Variants in ZNF615 observed in about 807,000 individuals in gnomAD.
ZNF615 encodes the protein zinc finger protein 615.
Under a neutral mutation model 15.3 loss-of-function variants are expected in ZNF615, and 15 were observed. The observed-to-expected ratio is 0.98, with a 90% CI of 0.66 to 1.51. The LOEUF (loss-of-function observed/expected upper bound fraction) is 1.51. ZNF615 is among the 40% of genes most tolerant of loss of function. The probability of loss-of-function intolerance (pLI) is 0.00; values close to 1 mark genes in which losing one functional copy is unlikely to be tolerated. For synonymous variants in ZNF615, 268 were observed against 294.6 expected (o/e 0.91, Z 0.92); for missense variants, 848 against 895.9 (o/e 0.95, Z 0.68).
chr19:51,995,564 C>CA (rs1295310175), intron 6 of ZNF615, among the ~76,000 whole-genome samples: 10 of 135,544 alleles, frequency 7.4e-5, no homozygotes, highest in Admixed American at 7.4e-4. Flanking sequence ...AAACACCTTC[C>CA]TTTTTTTTTT....
rs769560133 is a variant in ZNF615 at position 52,003,696 on chromosome 19, C to T, written c.15+1G>A. 2 of 1,612,580 alleles carry T rather than the reference C, an allele frequency of 1.2e-6. No homozygotes were observed. Among genetic ancestry groups the T allele is most frequent in the Non-Finnish European group, 1.7e-6 (2 of 1,179,258 alleles). ...AAAGAATAAAACAAACCAAAAGTCACCTGGGCCTGCATCATTGTCTCCTAA... is the reference window on the plus strand; with the variant it reads ...AAAGAATAAAACAAACCAAAAGTCATCTGGGCCTGCATCATTGTCTCCTAA... On this transcript the variant is annotated splice_donor_variant, in intron 3 of 6. Transcript: ENST00000598071. LOFTEE classifies it high-confidence loss of function.
At chr19:51,994,949 TTTTA>T (rs2086375565) in intron 6 of ZNF615, 112 bp from the exon 7 acceptor site, 4 of 998,450 alleles carry the variant, frequency 4.0e-6, no homozygotes, top group South Asian at 2.7e-5. Flanking sequence ...GAAAACCCTA[TTTTA>T]TTTATTTATT....
At chr19:52,007,407 A>G in intron 1 of ZNF615, 77 bp from the exon 2 acceptor site, 1 of 884,022 alleles carries the variant, frequency 1.1e-6, no homozygotes, top group South Asian at 1.5e-5. Flanking sequence ...AATATAAAAC[A>G]TACTACTTTT....
In ZNF615 at chr19:51,992,502, T is replaced by TCAC. The variant is rs201149551; in HGVS notation, c.*377_*378insGTG. The TCAC allele has an allele frequency of 0.38, 63,156 of 166,552 alleles. 13,635 individuals are homozygous for TCAC. The highest frequency in any genetic ancestry group is 0.58 in the African/African-American group (24,331 of 41,862). 10.3% of individuals were successfully genotyped at this position (166,552 alleles called of 1,614,324 possible). ...TTACTGAAAACCCTGCCACAGGGGT[T>TCAC]TGCCAGAGGAAAGTATTTCTCCAGT... On this transcript the variant is annotated 3_prime_UTR_variant, in exon 7 of 7. Transcript: ENST00000598071.
Position 51,993,918 on chromosome 19 carries a change from A to G in ZNF615, c.1191T>C (p.Ser397=). The part of the protein sequence containing the change: ...KCGKGFTLKN[S]LITHQQTHTG... ...TATGAGTTTGCTGATGTGTGATAAG[A>G]CTGTTCTTCAAGGTGAAGCCTTTCC... Residue 397 remains serine, a synonymous_variant, in exon 7 of 7, where the codon AGT becomes AGC. Coordinates refer to ENST00000598071, the MANE Select transcript of ZNF615 (RefSeq NM_001199324.2). 6.2e-6 allele frequency: 10 copies of G among 1,614,058 alleles called. No homozygotes were observed. Among genetic ancestry groups the G allele is most frequent in the Non-Finnish European group, 8.5e-6 (10 of 1,180,012 alleles).
At chr19:52,004,166 C>G (rs1256297878) in intron 2 of ZNF615, among the ~76,000 whole-genome samples, 2 of 152,026 alleles carry the variant, frequency 1.3e-5, no homozygotes, top group Admixed American at 6.6e-5. Flanking sequence ...AACGTGATGC[C>G]CAGCAGCTGG....
At chr19:52,007,812 C>T (rs937179784) in intron 1 of ZNF615, 38 of 313,264 alleles carry the variant, frequency 1.2e-4, no homozygotes, top group African/African-American at 8.0e-4. Flanking sequence ...CACTGAGCCC[C>T]GCCAAAGGAC....
At position 51,993,771 on chromosome 19, in the gene ZNF615, C is replaced by G. The variant is rs531628599; in HGVS notation, c.1338G>C (p.Lys446Asn). 6.2e-7 allele frequency: 1 copy of G among 1,612,514 alleles called. No individual in the cohort carries two copies. Among genetic ancestry groups the G allele is most frequent in the South Asian group, 1.1e-5 (1 of 90,972 alleles). ...TGAGTGGGCTCTTCAAAGCGAAGCC[C>G]TTTCCACACTCATTGCATTTATAAG... ...EKPYKCNECG[K>N]GFALKSPLIR... The change falls in exon 7 of 7, where the codon AAG becomes AAC. Residue 446 changes from lysine (K) to asparagine (N), a missense_variant. Coordinates refer to ENST00000598071, the MANE Select transcript of ZNF615 (RefSeq NM_001199324.2).
intron 3 of ZNF615, 131 bp downstream of exon 3, chr19:52,003,566 C>T: frequency 2.5e-6 from 2 of 806,292 alleles, no homozygotes; most frequent in Non-Finnish European, 3.9e-6. Context: ...ATCCCTGATC[C>T]TTCTTTGCCC....
chr19:52,002,298 C>G lies in ZNF615; in HGVS notation c.16-17G>C, dbSNP rs1349813187. On this transcript the variant is annotated splice_polypyrimidine_tract_variant and intron_variant, in intron 3 of 6. Transcript: ENST00000598071. The stretch of plus-strand genomic sequence containing the variant: ...TAGGGATTCCTGTAATAACACACTT[C>G]TGTTTAATGAAGTCATATTCTTTTG... 6.2e-7 allele frequency: 1 copy of G among 1,613,868 alleles called. No homozygotes were observed. Among genetic ancestry groups the G allele is most frequent in the Non-Finnish European group, 8.5e-7 (1 of 1,179,812 alleles).
chr19:51,992,727 A>G lies in ZNF615; in HGVS notation c.*153T>C. The G allele has an allele frequency of 1.0e-6, 1 of 960,052 alleles. No homozygotes were observed. Among genetic ancestry groups the G allele is most frequent in the Non-Finnish European group, 1.6e-6 (1 of 642,734 alleles). 59.5% of individuals were successfully genotyped at this position (960,052 alleles called of 1,614,324 possible). A position where few individuals can be genotyped will look rare whatever the true frequency, so the allele number is the denominator to read the frequency against. On this transcript the variant is annotated 3_prime_UTR_variant, in exon 7 of 7. Coordinates refer to ENST00000598071, the MANE Select transcript of ZNF615 (RefSeq NM_001199324.2). The stretch of plus-strand genomic sequence containing the variant: ...ATTTTTAGACATAATGTCCTAAAAT[A>G]TTTTCTCAAATGTTTTGTACATGTT...
At chr19:51,998,462 CT>C (rs1345467016) in intron 6 of ZNF615, among the ~76,000 whole-genome samples, 3 of 152,236 alleles carry the variant, frequency 2.0e-5, no homozygotes, top group Non-Finnish European at 2.9e-5. Context: ...CTAACACTTA[CT>C]GTTCCACCAG....
chr19:51,998,330 C>T (rs2086499563), intron 6 of ZNF615, among the ~76,000 whole-genome samples: 1 of 152,102 alleles, frequency 6.6e-6, no homozygotes, highest in African/African-American at 2.4e-5. Context: ...CATTTTTCAA[C>T]TTCTCATTGT....
intron 3 of ZNF615, 102 bp downstream of exon 3, chr19:52,003,595 A>G: frequency 9.0e-7 from 1 of 1,110,050 alleles, no homozygotes; most frequent in Non-Finnish European, 1.3e-6. Flanking sequence ...CCAGGTCCTG[A>G]TATTTCCAAT....
At chr19:51,997,924 T>C (rs916008600) in intron 6 of ZNF615, among the ~76,000 whole-genome samples, 2 of 152,122 alleles carry the variant, frequency 1.3e-5, no homozygotes, top group Non-Finnish European at 2.9e-5. Flanking sequence ...ACAGGAGAAC[T>C]GAAAGCTTGC....
Position 51,993,999 on chromosome 19 carries a change from A to G in ZNF615, c.1110T>C (p.Leu370=). The G allele has an allele frequency of 6.2e-7, 1 of 1,612,358 alleles. No individual in the cohort carries two copies. The highest frequency in any genetic ancestry group is 1.1e-5 in the South Asian group (1 of 90,802). Residue 370 remains leucine (L), a synonymous_variant, in exon 7 of 7, where the codon CTT becomes CTC. Transcript: ENST00000598071. ...CGKGFIEKRR[L]TAHHRTHTGE... is the part of the protein sequence containing the mutation. ...CAGTATGAGTTCGATGATGTGCAGT[A>G]AGACGCCTCTTCTCAATGAAGCCTT...
intron 6 of ZNF615, among the ~76,000 whole-genome samples, chr19:51,999,774 G>T (rs923599426): frequency 6.6e-6 from 1 of 152,180 alleles, no homozygotes; most frequent in Non-Finnish European, 1.5e-5. Flanking sequence ...GATGGTTTGG[G>T]CTAGAAATAA....
chr19:52,008,155 T>G lies in ZNF615; in HGVS notation c.-242A>C. 6.5e-7 allele frequency: 1 copy of G among 1,535,546 alleles called. No individual in the cohort carries two copies. The highest frequency in any genetic ancestry group is 1.2e-5 in the South Asian group (1 of 84,042). Reference sequence around the variant, plus strand: ...ACTGAACTTACTTCCCAGAACTTGGTGGGCTCCGGCCTCATCTCTCGGCCT... The same window carrying G: ...ACTGAACTTACTTCCCAGAACTTGGGGGGCTCCGGCCTCATCTCTCGGCCT... On this transcript the variant is annotated 5_prime_UTR_variant, in exon 1 of 7. Transcript: ENST00000598071.
In ZNF615 at chr19:52,008,199, A is replaced by G; in HGVS notation, c.-286T>C. 6.5e-7 allele frequency: 1 copy of G among 1,534,348 alleles called. No individual in the cohort carries two copies. The highest frequency in any genetic ancestry group is 8.7e-7 in the Non-Finnish European group (1 of 1,146,130). On this transcript the variant is annotated 5_prime_UTR_variant, in exon 1 of 7. Coordinates refer to ENST00000598071, the MANE Select transcript of ZNF615 (RefSeq NM_001199324.2). ...TCGGCCTCCTCAGTGCCTGACGGCG[A>G]CTATCCAGGGTCGGAGGCGTTCCCA...
Sources: allele counts gnomAD v4.1 joint callset (sites outside exome capture counted in the v4.1 genomes callset), GRCh38; gene constraint gnomAD v4.1.1; transcripts MANE v1.5; gene names NCBI Gene and HGNC (gene_info 2026-07-23, HGNC 2026-07-21).